PABPC4L: variants seen among roughly 807,000 people sequenced by gnomAD.
PABPC4L encodes the protein polyadenylate-binding protein 4-like.
For synonymous variants in PABPC4L, 169 were observed against 164.1 expected (o/e 1.03, Z -0.23); for missense variants, 452 against 451.4 (o/e 1.00, Z -0.01).
At chr4:133,993,758 G>A in the PABPC4L span, among the ~76,000 whole-genome samples, 3 of 152,174 alleles carry the variant, frequency 2.0e-5, no homozygotes, top group Admixed American at 2.0e-4. Flanking sequence ...AAGCACTGAT[G>A]TCATAACTTG....
the PABPC4L span, among the ~76,000 whole-genome samples, chr4:134,024,005 C>T: frequency 6.6e-6 from 1 of 152,146 alleles, no homozygotes; most frequent in South Asian, 2.1e-4. Context: ...AACAAAAATA[C>T]ATTAAGTAGT....
At chr4:134,014,607 C>T in the PABPC4L span, among the ~76,000 whole-genome samples, 2 of 152,104 alleles carry the variant, frequency 1.3e-5, no homozygotes, top group Non-Finnish European at 2.9e-5. Context: ...GGCTCTCTGA[C>T]TGACTCCTTC....
the PABPC4L span, among the ~76,000 whole-genome samples, chr4:134,184,434 T>A: frequency 3.3e-5 from 5 of 151,992 alleles, no homozygotes; most frequent in Non-Finnish European, 7.4e-5. Context: ...TGGCAACCAC[T>A]GATTTTATTA....
At chr4:134,104,548 C>T in the PABPC4L span, among the ~76,000 whole-genome samples, 1 of 151,676 alleles carries the variant, frequency 6.6e-6, no homozygotes, top group East Asian at 2.0e-4. Context: ...AAGCTCAGCA[C>T]CTGTTTGAGG....
At chr4:134,116,295 C>A in the PABPC4L span, among the ~76,000 whole-genome samples, 13 of 151,742 alleles carry the variant, frequency 8.6e-5, no homozygotes, top group African/African-American at 2.9e-4. Flanking sequence ...AAGTAAATTG[C>A]CCATCAGCTT....
At chr4:134,021,448 T>C in the PABPC4L span, among the ~76,000 whole-genome samples, 1 of 152,106 alleles carries the variant, frequency 6.6e-6, no homozygotes, top group African/African-American at 2.4e-5. Flanking sequence ...TCATGCATGG[T>C]TCTTTGCACT....
chr4:134,046,901 T>C, the PABPC4L span, among the ~76,000 whole-genome samples: 2 of 152,298 alleles, frequency 1.3e-5, no homozygotes, highest in Admixed American at 6.5e-5. Context: ...ACAATTTTCT[T>C]AGTACAGATC....
At chr4:134,008,615 C>A in the PABPC4L span, among the ~76,000 whole-genome samples, 1 of 151,690 alleles carries the variant, frequency 6.6e-6, no homozygotes, top group East Asian at 1.9e-4. Context: ...AGAAATAGAT[C>A]AAATTTAGCA....
the PABPC4L span, among the ~76,000 whole-genome samples, chr4:133,972,338 T>C: frequency 1.3e-5 from 2 of 152,186 alleles, no homozygotes; most frequent in Non-Finnish European, 2.9e-5. Flanking sequence ...TTATTTTGAA[T>C]GAATCCCTAC....
At chr4:133,957,457 G>T in the PABPC4L span, among the ~76,000 whole-genome samples, 1 of 152,184 alleles carries the variant, frequency 6.6e-6, no homozygotes, top group South Asian at 2.1e-4. Context: ...CCTCCTGGCT[G>T]CTTTCACAGG....
chr4:134,029,026 C>G, the PABPC4L span, among the ~76,000 whole-genome samples: 1 of 151,932 alleles, frequency 6.6e-6, no homozygotes, highest in African/African-American at 2.4e-5. Flanking sequence ...CTTTGGAAGG[C>G]TTTTTATGTA....
chr4:134,051,853 C>T, the PABPC4L span, among the ~76,000 whole-genome samples: 1 of 151,960 alleles, frequency 6.6e-6, no homozygotes, highest in Non-Finnish European at 1.5e-5. Flanking sequence ...TAGAACAATG[C>T]TTAATGTTTA....
chr4:134,128,858 T>G, the PABPC4L span, among the ~76,000 whole-genome samples: 6 of 152,130 alleles, frequency 3.9e-5, no homozygotes, highest in African/African-American at 1.4e-4. Flanking sequence ...GCCTAAATGC[T>G]TCACTTAAAA....
the PABPC4L span, among the ~76,000 whole-genome samples, chr4:134,054,393 G>A: frequency 6.7e-6 from 1 of 149,972 alleles, no homozygotes; most frequent in Non-Finnish European, 1.5e-5. Context: ...GAGATCCCTT[G>A]TATCCTTTAC....
chr4:133,964,125 A>C, the PABPC4L span, among the ~76,000 whole-genome samples: 1 of 152,176 alleles, frequency 6.6e-6, no homozygotes, highest in African/African-American at 2.4e-5. Context: ...CTCAATAAGA[A>C]ACAAATGGGA....
chr4:134,178,040 A>T, the PABPC4L span, among the ~76,000 whole-genome samples: 1 of 152,102 alleles, frequency 6.6e-6, no homozygotes, highest in African/African-American at 2.4e-5. Flanking sequence ...TCTGGTAGCC[A>T]GGAAAGCCAT....
the PABPC4L span, among the ~76,000 whole-genome samples, chr4:134,089,689 C>T: frequency 6.6e-6 from 1 of 151,850 alleles, no homozygotes. Context: ...TCCAGCCAAA[C>T]TTGAATTGAA....
At chr4:134,148,102 G>A in the PABPC4L span, among the ~76,000 whole-genome samples, 1 of 152,044 alleles carries the variant, frequency 6.6e-6, no homozygotes, top group Non-Finnish European at 1.5e-5. Flanking sequence ...AATGCACAGA[G>A]AGCAGCCTTC....
the PABPC4L span, among the ~76,000 whole-genome samples, chr4:134,080,928 G>T: frequency 6.6e-6 from 1 of 152,202 alleles, no homozygotes; most frequent in East Asian, 1.9e-4. Context: ...GACAACTTCT[G>T]CAAACAGACA....
Sources: gnomAD v4.1 joint callset for allele counts (sites outside exome capture counted in the v4.1 genomes callset) on GRCh38, gnomAD v4.1.1 for gene constraint, MANE v1.5 for transcripts, NCBI Gene and HGNC (gene_info 2026-07-23, HGNC 2026-07-21) for gene names.